Variants in SLC6A19 observed in about 807,000 individuals in gnomAD.
The protein encoded by SLC6A19 is sodium-dependent neutral amino acid transporter B(0)AT1.
SLC6A19 carries 67 observed loss-of-function variants against 68.3 expected under a neutral mutation model. The ratio of observed to expected loss-of-function variants is 0.98; its 90% CI spans 0.81 to 1.20. The LOEUF (loss-of-function observed/expected upper bound fraction) is 1.20. SLC6A19 is among the 50% of genes most tolerant of loss of function. SLC6A19 has a pLI of 0.00. For missense variants in SLC6A19, 813 were observed against 851.6 expected (o/e 0.95, Z 0.56); for synonymous variants, 392 against 374.9 (o/e 1.05, Z -0.53).
chr5:1,202,455 C>T (rs989488030), intron 1 of SLC6A19, among the ~76,000 whole-genome samples: 3 of 152,192 alleles, frequency 2.0e-5, no homozygotes, highest in Admixed American at 6.5e-5. Context: ...TAGGCATGGC[C>T]GCTGCTGGCA....
chr5:1,219,258 G>A, intron 9 of SLC6A19, 151 bp downstream of exon 9: 1 of 1,058,560 alleles, frequency 9.4e-7, no homozygotes, highest in Non-Finnish European at 1.4e-6. Flanking sequence ...CAGCCCCCAG[G>A]CGTGTGAACA....
At position 1,201,675 on chromosome 5, in the gene SLC6A19, C is replaced by A. The variant is rs1421994940; in HGVS notation, c.25C>A (p.Pro9Thr). 4 of 1,608,984 alleles carry A rather than the reference C, an allele frequency of 2.5e-6. No homozygotes were observed. The highest frequency in any genetic ancestry group is 1.3e-5 in the African/African-American group (1 of 75,044). MVRLVLPN[P>T]GLDARIPSLA... is the part of the protein sequence containing the mutation. The stretch of plus-strand genomic sequence containing the variant: ...CATGGTGAGGCTCGTGCTGCCCAAC[C>A]CCGGCCTAGACGCCCGGATCCCGTC... Residue 9 changes from proline (P) to threonine (T), a missense_variant, in exon 1 of 12, where the codon CCC (proline) becomes ACC (threonine). Coordinates refer to ENST00000304460, the MANE Select transcript of SLC6A19 (RefSeq NM_001003841.3).
intron 3 of SLC6A19, 49 bp downstream of exon 3, chr5:1,210,630 GTC>G (rs1745999457): frequency 1.2e-6 from 2 of 1,607,304 alleles, no homozygotes; most frequent in Non-Finnish European, 1.7e-6. Context: ...AGGCTGTTGT[GTC>G]TCTCATAGCA....
rs760988415 is a variant in SLC6A19 at position 1,208,750 on chromosome 5, C to T, written c.207C>T (p.Ala69=). ...PYLCQSHGGG[A]FMIPFLILLV... ...GGTGGACTCCTCCCATTGCAGGAGC[C>T]TTCATGATCCCGTTCCTCATCCTGC... The change falls in exon 2 of 12, where the codon GCC becomes GCT. Residue 69 remains alanine, a synonymous_variant. Transcript: ENST00000304460. 14 of 1,613,460 alleles carry T rather than the reference C, an allele frequency of 8.7e-6. No homozygotes were observed. In the South Asian group the frequency reaches 1.2e-4, roughly 14 times the overall value.
At position 1,212,016 on chromosome 5, in the gene SLC6A19, G is replaced by C. The variant is rs1315844226; in HGVS notation, c.482-287G>C. On this transcript the variant is annotated intron_variant, in intron 3 of 11. Coordinates refer to ENST00000304460, the MANE Select transcript of SLC6A19 (RefSeq NM_001003841.3). This position sits in a 1 kb window ranked among gnomAD's most constrained non-coding sequence, Gnocchi z 5.1. ...CATGTGCGTGCATGTGAGCATGTGT[G>C]CCTCTGTGCATGTGTGTGCTGTGTG... Among the ~76,000 whole-genome samples, 1 of 150,574 alleles carries C rather than the reference G, an allele frequency of 6.6e-6. No individual in the cohort carries two copies. The highest frequency in any genetic ancestry group is 2.4e-5 in the African/African-American group (1 of 40,856).
intron 3 of SLC6A19, among the ~76,000 whole-genome samples, chr5:1,211,788 A>AGCATGTGTGACTGTGT (rs1244737841): frequency 6.7e-6 from 1 of 149,418 alleles, no homozygotes; most frequent in Non-Finnish European, 1.5e-5. Context: ...CGTGCATGTG[A>AGCATGTGTGACTGTGT]GCATGTGTGC....
At chr5:1,204,029 C>T (rs1048620669) in intron 1 of SLC6A19, among the ~76,000 whole-genome samples, 16 of 152,194 alleles carry the variant, frequency 1.1e-4, no homozygotes, top group African/African-American at 3.4e-4. Flanking sequence ...CACCCACAGA[C>T]AGCGCACTCT....
chr5:1,201,831 C>T lies in SLC6A19; in HGVS notation c.181C>T (p.Leu61=). ...GLGNVWRFPY[L]CQSHGGGAFM... The stretch of plus-strand genomic sequence containing the variant: ...CGGCAACGTGTGGCGCTTCCCCTAC[C>T]TGTGTCAGAGCCACGGAGGAGGTAG... The change falls in exon 1 of 12, where the codon CTG becomes TTG. Residue 61 remains leucine (L), a synonymous_variant. Coordinates refer to ENST00000304460, the MANE Select transcript of SLC6A19 (RefSeq NM_001003841.3). 1 of 1,611,706 alleles carries T rather than the reference C, an allele frequency of 6.2e-7. No homozygotes were observed. Among genetic ancestry groups the T allele is most frequent in the Non-Finnish European group, 8.5e-7 (1 of 1,179,826 alleles).
chr5:1,203,578 T>C (rs967066208), intron 1 of SLC6A19, among the ~76,000 whole-genome samples: 11 of 152,214 alleles, frequency 7.2e-5, no homozygotes, highest in African/African-American at 2.4e-4. Flanking sequence ...GCCCTTCGGC[T>C]GGGCCACCAG....
rs751730038 is a variant in SLC6A19, at chr5:1,216,922, G to A, written c.1150G>A (p.Asp384Asn). The change falls in exon 8 of 12, where the codon GAC (aspartate) becomes AAC (asparagine). Residue 384 changes from aspartate (D) to asparagine (N), a missense_variant. Coordinates refer to ENST00000304460, the MANE Select transcript of SLC6A19 (RefSeq NM_001003841.3). The part of the protein sequence containing the change: ...AYAQLVFQTC[D>N]INAFLSEAVE... ...CGCGCAGCTGGTGTTCCAGACCTGC[G>A]ACATCAACGCCTTCCTCTCAGAGGT... 35 of 1,613,124 alleles carry A rather than the reference G, an allele frequency of 2.2e-5. No homozygotes were observed. The highest frequency in any genetic ancestry group is 1.7e-4 in the Middle Eastern group (1 of 5,798).
intron 11 of SLC6A19, 101 bp from the exon 12 acceptor site, chr5:1,221,599 CA>C: frequency 5.5e-6 from 8 of 1,446,998 alleles, no homozygotes; most frequent in Non-Finnish European, 7.7e-6. Context: ...CTGCCTGCCC[CA>C]CAGGACAGGA....
intron 3 of SLC6A19, among the ~76,000 whole-genome samples, chr5:1,211,425 G>A (rs942500936): frequency 9.9e-5 from 15 of 152,248 alleles, no homozygotes; most frequent in African/African-American, 3.4e-4. Context: ...GCCCGGGAGC[G>A]CAAACACTCT....
At position 1,208,723 on chromosome 5, in the gene SLC6A19, A is replaced by C. The variant is rs778125324; in HGVS notation, c.203-23A>C. 22 of 1,613,290 alleles carry C rather than the reference A, an allele frequency of 1.4e-5. No individual in the cohort carries two copies. In the South Asian group the frequency reaches 2.4e-4, roughly 18 times the overall value. On this transcript the variant is annotated intron_variant, in intron 1 of 11. Transcript: ENST00000304460. ...GCTCCCCCGGGAACGGCTCTCAGGC[A>C]TGGTGGACTCCTCCCATTGCAGGAG...
At chr5:1,220,944 C>T (rs753042816) in intron 10 of SLC6A19, among the ~76,000 whole-genome samples, 2 of 152,154 alleles carry the variant, frequency 1.3e-5, no homozygotes, top group African/African-American at 2.4e-5. Context: ...CTGGTGGCAT[C>T]GTAGGGCAGA....
At chr5:1,203,688 G>A (rs1745776447) in intron 1 of SLC6A19, among the ~76,000 whole-genome samples, 1 of 152,258 alleles carries the variant, frequency 6.6e-6, no homozygotes, top group African/African-American at 2.4e-5. Context: ...CCGGCCTGGA[G>A]GAACCCTGTG....
Position 1,208,784 on chromosome 5 carries a change from G to A in SLC6A19, c.241G>A (p.Glu81Lys). 6.2e-7 allele frequency: 1 copy of A among 1,613,410 alleles called. No individual in the cohort carries two copies. The highest frequency in any genetic ancestry group is 8.5e-7 in the Non-Finnish European group (1 of 1,180,004). The change falls in exon 2 of 12, where the codon GAG becomes AAG. Residue 81 changes from glutamate to lysine, a missense_variant. By Grantham distance (56) the Glu-to-Lys change is moderately conservative. Coordinates refer to ENST00000304460, the MANE Select transcript of SLC6A19 (RefSeq NM_001003841.3). ...CCCGTTCCTCATCCTGCTGGTCCTG[G>A]AGGGCATCCCCCTGCTGTACCTGGA... ...MIPFLILLVL[E>K]GIPLLYLEFA...
At position 1,212,307 on chromosome 5, in the gene SLC6A19, T is replaced by C; in HGVS notation, c.486T>C (p.Tyr162=). 6.2e-7 allele frequency: 1 copy of C among 1,613,420 alleles called. No homozygotes were observed. The highest frequency in any genetic ancestry group is 8.5e-7 in the Non-Finnish European group (1 of 1,179,906). The change falls in exon 4 of 12, where the codon TAT becomes TAC. Residue 162 remains tyrosine (Y), a synonymous_variant. Transcript: ENST00000304460. This position sits in a 1 kb window ranked among gnomAD's most constrained non-coding sequence, Gnocchi z 5.1. ...DCPLNENQTG[Y]VDECARSSPV... ...TGTGAATGGCCCTCTCCCCAGGGTA[T>C]GTGGACGAGTGCGCCAGGAGCTCCC...
chr5:1,213,659 C>T, intron 5 of SLC6A19, 86 bp downstream of exon 5: 14 of 1,321,590 alleles, frequency 1.1e-5, no homozygotes, highest in Admixed American at 1.9e-5. Flanking sequence ...CCAGCTCTCA[C>T]CCACGGGGAC....
rs115809678 is a variant in SLC6A19 at position 1,212,586 on chromosome 5, G to T, written c.663+102G>T. 15 of 1,451,166 alleles carry T rather than the reference G, an allele frequency of 1.0e-5. 1 individual carries two copies. The highest frequency in any genetic ancestry group is 9.3e-5 in the South Asian group (8 of 85,804). 89.9% of individuals were successfully genotyped at this position (1,451,166 alleles called of 1,614,324 possible). On this transcript the variant is annotated intron_variant, in intron 4 of 11. Transcript: ENST00000304460. This position sits in a 1 kb window ranked among gnomAD's most constrained non-coding sequence, Gnocchi z 5.1. ...TCTAAAACCCAGGTCTGGGGGTCCCGGGCTCTGCCTTTCCCCAGACCCCAC... is the reference window on the plus strand; with the variant it reads ...TCTAAAACCCAGGTCTGGGGGTCCCTGGCTCTGCCTTTCCCCAGACCCCAC...
Sources: gnomAD v4.1 joint callset for allele counts (sites outside exome capture counted in the v4.1 genomes callset) on GRCh38, gnomAD v4.1.1 for gene constraint, Gnocchi (gnomAD v3.1) non-coding constraint, MANE v1.5 for transcripts, NCBI Gene and HGNC (gene_info 2026-07-23, HGNC 2026-07-21) for gene names.